The following GPC5 variants were observed in gnomAD, a reference collection of about 807,000 sequenced individuals.
GPC5 encodes glypican 5.
A neutral mutation model predicts 53.9 loss-of-function variants in GPC5; 47 were observed. That is an observed-to-expected ratio of 0.87 (90% CI 0.69 to 1.11). The LOEUF is 1.11. Ranked by LOEUF, GPC5 falls within the 50% of genes most tolerant of loss-of-function variation. The probability of loss-of-function intolerance (pLI) is 0.00; values close to 1 mark genes in which losing one functional copy is unlikely to be tolerated. For missense variants in GPC5, 748 were observed against 713.1 expected (o/e 1.05, Z -0.56); for synonymous variants, 286 against 263.3 (o/e 1.09, Z -0.84).
At chr13:92,460,471 C>A (rs535894370) in intron 7 of GPC5, among the ~76,000 whole-genome samples, 1 of 152,002 alleles carries the variant, frequency 6.6e-6, no homozygotes, top group Admixed American at 6.5e-5. Context: ...CCAATATATG[C>A]TAAGCATTTT....
chr13:92,335,157 G>T (rs568833864), intron 7 of GPC5, among the ~76,000 whole-genome samples: 1 of 152,074 alleles, frequency 6.6e-6, no homozygotes, highest in Non-Finnish European at 1.5e-5. Flanking sequence ...AACACACCTC[G>T]GCCTAGACAT....
At chr13:91,464,678 CG>C (rs767060572) in intron 2 of GPC5, among the ~76,000 whole-genome samples, 2 of 151,872 alleles carry the variant, frequency 1.3e-5, no homozygotes, top group Non-Finnish European at 2.9e-5. Flanking sequence ...GGGTTAGGGA[CG>C]GGAAGAGGGA....
At chr13:91,985,908 C>T (rs1031133929) in intron 6 of GPC5, among the ~76,000 whole-genome samples, 3 of 151,110 alleles carry the variant, frequency 2.0e-5, no homozygotes, top group Admixed American at 6.6e-5. Flanking sequence ...AAGATGAAAA[C>T]CAAAATACTC....
At chr13:91,649,150 A>G (rs1366420242) in intron 2 of GPC5, among the ~76,000 whole-genome samples, 1 of 152,140 alleles carries the variant, frequency 6.6e-6, no homozygotes, top group African/African-American at 2.4e-5. Context: ...CCCTTCTTCC[A>G]TGGTTTTAAG....
intron 6 of GPC5, among the ~76,000 whole-genome samples, chr13:92,081,417 G>C (rs1169131364): frequency 6.6e-6 from 1 of 152,158 alleles, no homozygotes; most frequent in Non-Finnish European, 1.5e-5. Flanking sequence ...CTTTCATCTT[G>C]TTCGCAGAAC....
intron 6 of GPC5, among the ~76,000 whole-genome samples, chr13:91,975,359 G>A (rs1009056441): frequency 2.6e-5 from 4 of 152,000 alleles, no homozygotes; most frequent in Non-Finnish European, 5.9e-5. Flanking sequence ...GAAAATTTTT[G>A]CAACCTACTC....
chr13:91,698,184 CA>C (rs1380359043), intron 3 of GPC5, among the ~76,000 whole-genome samples: 2 of 151,658 alleles, frequency 1.3e-5, no homozygotes, highest in Admixed American at 6.6e-5. Flanking sequence ...TAATTTTCAA[CA>C]AAAAAAGTCC....
intron 7 of GPC5, among the ~76,000 whole-genome samples, chr13:92,393,732 G>A (rs1195078981): frequency 1.3e-5 from 2 of 151,912 alleles, no homozygotes; most frequent in Non-Finnish European, 2.9e-5. Flanking sequence ...TGGAAGGAGG[G>A]AGAAGAGCAG....
chr13:92,704,114 G>C (rs1417893377), intron 7 of GPC5, among the ~76,000 whole-genome samples: 2 of 152,050 alleles, frequency 1.3e-5, no homozygotes, highest in Non-Finnish European at 2.9e-5. Context: ...GGCGTTGGAA[G>C]TTTACATTTC....
At chr13:91,675,730 A>T (rs1161453610) in intron 2 of GPC5, among the ~76,000 whole-genome samples, 1 of 152,174 alleles carries the variant, frequency 6.6e-6, no homozygotes, top group Non-Finnish European at 1.5e-5. Flanking sequence ...GATAGAAAAA[A>T]TGGACTGTGT....
intron 7 of GPC5, among the ~76,000 whole-genome samples, chr13:92,344,625 T>C (rs2043395495): frequency 6.6e-6 from 1 of 151,994 alleles, no homozygotes; most frequent in African/African-American, 2.4e-5. Flanking sequence ...AAAGGAAAAA[T>C]ACTGGTTTGG....
rs551917641 is a variant in GPC5, at chr13:91,744,067, G to A, written c.1155-12228G>A. Among the ~76,000 whole-genome samples, 11 of 152,158 alleles carry A rather than the reference G, an allele frequency of 7.2e-5. 1 individual carries two copies. Among genetic ancestry groups the A allele is most frequent in the African/African-American group, 2.4e-4 (10 of 41,524 alleles). ...CTAACTTTGGGATCTTGTAAACTGA[G>A]TAAAACCAAAGGATTTATAGTCTTC... On this transcript the variant is annotated intron_variant, in intron 4 of 7. Transcript: ENST00000377067.
chr13:92,148,730 G>T (rs1181196493), intron 7 of GPC5, among the ~76,000 whole-genome samples: 1 of 152,024 alleles, frequency 6.6e-6, no homozygotes, highest in Non-Finnish European at 1.5e-5. Flanking sequence ...TTCTTTCACA[G>T]TAGCTAACTG....
chr13:91,887,269 G>T (rs1279887210), intron 5 of GPC5, among the ~76,000 whole-genome samples: 1 of 152,154 alleles, frequency 6.6e-6, no homozygotes, highest in African/African-American at 2.4e-5. Flanking sequence ...CCAAGCCATG[G>T]GTGGAGCGGC....
intron 4 of GPC5, among the ~76,000 whole-genome samples, chr13:91,748,540 G>A (rs891364289): frequency 1.1e-4 from 16 of 152,220 alleles, no homozygotes; most frequent in African/African-American, 3.6e-4. Flanking sequence ...AAAAGAATTT[G>A]TTAAGTGCCT....
chr13:92,502,439 TA>T lies in GPC5; in HGVS notation c.1561+357458del, dbSNP rs553900786. On this transcript the variant is annotated intron_variant, in intron 7 of 7. Transcript: ENST00000377067. Reference sequence around the variant, plus strand: ...AAATACAAAGATTGTCAGAATGGATTAAAAAAAACATGAAATGGCTATATGC... The same window carrying T: ...AAATACAAAGATTGTCAGAATGGATTAAAAAAACATGAAATGGCTATATGC... Among the ~76,000 whole-genome samples the T allele has an allele frequency of 5.2e-3, 784 of 151,724 alleles. 6 individuals carry two copies. The highest frequency in any genetic ancestry group is 0.013 in the African/African-American group (520 of 41,444).
intron 6 of GPC5, among the ~76,000 whole-genome samples, chr13:91,967,436 T>G (rs1419071517): frequency 6.6e-6 from 1 of 152,152 alleles, no homozygotes; most frequent in African/African-American, 2.4e-5. Flanking sequence ...TAGAAGAACT[T>G]AAAACTGTAA....
At chr13:92,777,285 G>A (rs1050575749) in intron 7 of GPC5, among the ~76,000 whole-genome samples, 2 of 144,740 alleles carry the variant, frequency 1.4e-5, no homozygotes, top group Admixed American at 7.3e-5. Context: ...GCAGTGAGCC[G>A]AGATTGTGCC....
intron 1 of GPC5, among the ~76,000 whole-genome samples, chr13:91,436,093 C>T (rs1419673935): frequency 3.9e-5 from 6 of 152,110 alleles, no homozygotes; most frequent in African/African-American, 1.4e-4. Flanking sequence ...CTTTATTAGT[C>T]TTGCTAGCAG....
Sources: gnomAD v4.1 joint callset for allele counts (sites outside exome capture counted in the v4.1 genomes callset) on GRCh38, gnomAD v4.1.1 for gene constraint, MANE v1.5 for transcripts, NCBI Gene and HGNC (gene_info 2026-07-23, HGNC 2026-07-21) for gene names.